NLRP4: variants seen among roughly 807,000 people sequenced by gnomAD.
The protein encoded by NLRP4 is NACHT, LRR and PYD domains-containing protein 4.
NLRP4 carries 44 observed loss-of-function variants against 84.7 expected under a neutral mutation model. The observed-to-expected ratio is 0.52, with a 90% CI of 0.41 to 0.67. NLRP4 has a LOEUF of 0.67. Ranked by LOEUF, NLRP4 falls within the 30% of genes least tolerant of loss-of-function variation. The probability of loss-of-function intolerance (pLI) is 0.00; values close to 1 mark genes in which losing one functional copy is unlikely to be tolerated. For synonymous variants in NLRP4, 544 were observed against 476.4 expected (o/e 1.14, Z -1.85); for missense variants, 1,260 against 1,219.4 (o/e 1.03, Z -0.50).
At chr19:55,877,469 C>T (rs1985417291) in intron 8 of NLRP4, among the ~76,000 whole-genome samples, 1 of 152,172 alleles carries the variant, frequency 6.6e-6, no homozygotes, top group Admixed American at 6.5e-5. Context: ...GCTGGGTTGG[C>T]TGTCCCCTTG....
At chr19:55,865,005 A>G (rs2123046853) in intron 5 of NLRP4, among the ~76,000 whole-genome samples, 1 of 152,326 alleles carries the variant, frequency 6.6e-6, no homozygotes, top group Non-Finnish European at 1.5e-5. Context: ...AAAAACTTTT[A>G]TTTTACATTC....
Position 55,852,142 on chromosome 19 carries a change from A to G in NLRP4, c.62A>G (p.Glu21Gly). Residue 21 changes from glutamate to glycine, a missense_variant, in exon 2 of 10, where the codon GAG (glutamate) becomes GGG (glycine). This residue lies in a region of NLRP4 where 712 missense variants were observed against 669.2 expected (regional missense o/e 1.06). Transcript: ENST00000301295. The part of the protein sequence containing the change: ...LMWYLEELKK[E>G]EFRKFKEHLK... ...TGGTATCTGGAGGAGCTCAAAAAGG[A>G]GGAGTTCAGGAAATTTAAAGAACAT... 6.2e-7 allele frequency: 1 copy of G among 1,607,394 alleles called. No homozygotes were observed.
rs1462313995 is a variant in NLRP4, at chr19:55,836,574, C to G, written c.-426C>G. ...GAAGGCGTGGAGCGGTGAGTCAGCG[C>G]TTCGTGCTGGGCTGTTCGTCTCTTC... is the stretch of plus-strand genomic sequence containing the variant. On this transcript the variant is annotated 5_prime_UTR_variant, in exon 1 of 10. Transcript: ENST00000301295. The G allele has an allele frequency of 6.6e-6, 1 of 152,398 alleles. No individual in the cohort carries two copies. Among genetic ancestry groups the G allele is most frequent in the Non-Finnish European group, 1.5e-5 (1 of 68,086 alleles). The allele number at this position is 152,398 out of a possible 1,614,324, so 9.4% of individuals were successfully genotyped here.
chr19:55,868,170 G>A lies in NLRP4; in HGVS notation c.2354+294G>A, dbSNP rs142239826. ...CTGTGTTTCAAAGCTGTTAGGTTGG[G>A]TTAATGCACCTGCAACACACATGGT... On this transcript the variant is annotated intron_variant, in intron 6 of 9. Coordinates refer to ENST00000301295, the MANE Select transcript of NLRP4 (RefSeq NM_134444.5). Among the ~76,000 whole-genome samples, 361 of 152,342 alleles carry A rather than the reference G, an allele frequency of 2.4e-3. 2 individuals are homozygous for A. Among genetic ancestry groups the A allele is most frequent in the African/African-American group, 8.5e-3 (354 of 41,580 alleles).
chr19:55,881,788 A>G lies in NLRP4; in HGVS notation c.*201A>G, dbSNP rs1985603182. ...TTGGATGAGTCACTGAAAGGCCTTC[A>G]TGGTCTCTCGGTCTCACAAGGACCT... On this transcript the variant is annotated 3_prime_UTR_variant, in exon 10 of 10. Transcript: ENST00000301295. The G allele has an allele frequency of 2.5e-6, 1 of 406,186 alleles. No homozygotes were observed. The highest frequency in any genetic ancestry group is 4.4e-6 in the Non-Finnish European group (1 of 228,458). 25.2% of individuals were successfully genotyped at this position (406,186 alleles called of 1,614,324 possible).
intron 6 of NLRP4, 21 bp from the exon 7 acceptor site, chr19:55,870,806 C>A (rs376696383): frequency 6.3e-6 from 10 of 1,599,018 alleles, no homozygotes; most frequent in Admixed American, 1.7e-5. Context: ...CACTCTCCTT[C>A]TCGTGTTTTT....
rs1044426550 is a variant in NLRP4, at chr19:55,881,690, T to C, written c.*103T>C. ...CAGGAGATACAAATCATTGATACTCTGAGTTGTGAGATTTCTGGCACCCCA... is the reference window on the plus strand; with the variant it reads ...CAGGAGATACAAATCATTGATACTCCGAGTTGTGAGATTTCTGGCACCCCA... On this transcript the variant is annotated 3_prime_UTR_variant, in exon 10 of 10. Coordinates refer to ENST00000301295, the MANE Select transcript of NLRP4 (RefSeq NM_134444.5). 4 of 611,422 alleles carry C rather than the reference T, an allele frequency of 6.5e-6. No individual in the cohort carries two copies. The highest frequency in any genetic ancestry group is 1.2e-5 in the Non-Finnish European group (4 of 340,634). 37.9% of individuals were successfully genotyped at this position (611,422 alleles called of 1,614,324 possible).
rs1265483812 is a variant in NLRP4 at position 55,867,824 on chromosome 19, C to A, written c.2302C>A (p.Pro768Thr). Residue 768 changes from proline (P) to threonine (T), a missense_variant, in exon 6 of 10, where the codon CCC (proline) becomes ACC (threonine). Coordinates refer to ENST00000301295, the MANE Select transcript of NLRP4 (RefSeq NM_134444.5). Reference sequence around the variant, plus strand: ...CTGCAACCAGTTAGACACAGGCGTGCCCCTTTTGTGTGAAGCCCTGTGCAG... The same window carrying A: ...CTGCAACCAGTTAGACACAGGCGTGACCCTTTTGTGTGAAGCCCTGTGCAG... Reference protein sequence around the residue: ...VSCNQLDTGVPLLCEALCSPD... With the variant: ...VSCNQLDTGVTLLCEALCSPD... 6.2e-7 allele frequency: 1 copy of A among 1,614,160 alleles called. No individual in the cohort carries two copies. The highest frequency in any genetic ancestry group is 2.2e-5 in the East Asian group (1 of 44,884).
intron 6 of NLRP4, among the ~76,000 whole-genome samples, chr19:55,869,701 G>T (rs763959657): frequency 1.6e-4 from 24 of 151,974 alleles, no homozygotes; most frequent in Non-Finnish European, 2.2e-4. Context: ...GGCCATATGT[G>T]GTTCGTTCAT....
intron 3 of NLRP4, among the ~76,000 whole-genome samples, chr19:55,861,082 A>G (rs1391768332): frequency 1.3e-5 from 2 of 152,114 alleles, no homozygotes; most frequent in Non-Finnish European, 2.9e-5. Flanking sequence ...TCTCCTGTGC[A>G]TTGTAGGATG....
chr19:55,845,715 C>A (rs1983767988), intron 1 of NLRP4, among the ~76,000 whole-genome samples: 1 of 151,404 alleles, frequency 6.6e-6, no homozygotes. Flanking sequence ...TAATGATCAC[C>A]ATTCTAACTG....
At chr19:55,879,194 G>A (rs556587301) in intron 9 of NLRP4, among the ~76,000 whole-genome samples, 13 of 152,266 alleles carry the variant, frequency 8.5e-5, no homozygotes, top group African/African-American at 2.4e-4. Context: ...CTCATTGTCT[G>A]GGGTAACACC....
rs1985455558 is a variant in NLRP4 at position 55,878,488 on chromosome 19, T to TGTC, written c.2697-306_2697-305insGTC. Reference sequence around the variant, plus strand: ...TGCTTCCATTGTTATCTGAGACGGCTTCATACCTTTTTTTGGATAATATGT... The same window carrying TGTC: ...TGCTTCCATTGTTATCTGAGACGGCTGTCTCATACCTTTTTTTGGATAATATGT... On this transcript the variant is annotated intron_variant, in intron 8 of 9. Coordinates refer to ENST00000301295, the MANE Select transcript of NLRP4 (RefSeq NM_134444.5). 2.4e-3 allele frequency among the ~76,000 whole-genome samples: 5 copies of TGTC among 2,116 alleles called. No homozygotes were observed. In the South Asian group the frequency reaches 0.039, roughly 17 times the overall value. 1.4% of individuals were successfully genotyped at this position (2,116 alleles called of 152,430 possible). A position where few individuals can be genotyped will look rare whatever the true frequency, so the allele number is the denominator to read the frequency against.
Position 55,877,079 on chromosome 19 carries a change from A to G in NLRP4, c.2609A>G (p.Gln870Arg). Residue 870 changes from glutamine to arginine, a missense_variant, in exon 8 of 10, where the codon CAA becomes CGA. Physicochemically the swap from Gln to Arg is conservative, Grantham distance 43. This residue lies in a region of NLRP4 where 544 missense variants were observed against 531.7 expected (regional missense o/e 1.02). Coordinates refer to ENST00000301295, the MANE Select transcript of NLRP4 (RefSeq NM_134444.5). ...LISNQNLKIL[Q>R]IGCNEIGDVG... ...AGCAATCAAAACCTGAAGATTCTGC[A>G]AATTGGGTGCAATGAAATCGGAGAT... 1.2e-6 allele frequency: 2 copies of G among 1,614,138 alleles called. No homozygotes were observed. The highest frequency in any genetic ancestry group is 2.2e-5 in the South Asian group (2 of 91,082).
rs755640105 is a variant in NLRP4 at position 55,861,449 on chromosome 19, CAG to C, written c.1925_1926del (p.Glu642AlafsTer18). On this transcript the variant is annotated frameshift_variant, in exon 4 of 10. Coordinates refer to ENST00000301295, the MANE Select transcript of NLRP4 (RefSeq NM_134444.5). LOFTEE classifies it high-confidence loss of function. ...CSVLTTSGHL[R>X]ELQVQDSTLS... is the part of the protein sequence containing the mutation. ...CTGTGCTCACCACCAGCGGGCACCT[CAG>C]AGAGCTCCAGGTGCAGGACAGCACC... 1.2e-6 allele frequency: 2 copies of C among 1,613,980 alleles called. No homozygotes were observed. The highest frequency in any genetic ancestry group is 1.7e-6 in the Non-Finnish European group (2 of 1,179,794).
chr19:55,849,513 T>G (rs1983932659), intron 1 of NLRP4, among the ~76,000 whole-genome samples: 1 of 152,188 alleles, frequency 6.6e-6, no homozygotes, highest in African/African-American at 2.4e-5. Context: ...GATGAAGACT[T>G]TCTGGATTGT....
chr19:55,849,904 AATTTCCGTAGCCG>A (rs1465587278), intron 1 of NLRP4, among the ~76,000 whole-genome samples: 12 of 137,786 alleles, frequency 8.7e-5, no homozygotes, highest in African/African-American at 2.6e-4. Context: ...CCGGCGGTGT[AATTTCCGTAGCCG>A]CGGTGTAATT....
chr19:55,876,293 A>G (rs1049382776), intron 7 of NLRP4, among the ~76,000 whole-genome samples: 37 of 152,184 alleles, frequency 2.4e-4, no homozygotes, highest in African/African-American at 8.7e-4. Flanking sequence ...GAGGTTGGCT[A>G]CAGATTTCCC....
chr19:55,876,906 G>T, intron 7 of NLRP4, 90 bp from the exon 8 acceptor site: 1 of 1,072,212 alleles, frequency 9.3e-7, no homozygotes, highest in Non-Finnish European at 1.4e-6. Context: ...CCACATGAAT[G>T]ACAAAGGCTG....
Sources: gnomAD v4.1 joint callset for allele counts (sites outside exome capture counted in the v4.1 genomes callset) on GRCh38, gnomAD v4.1.1 for gene constraint, gnomAD v4.1.1 regional missense constraint, MANE v1.5 for transcripts, NCBI Gene and HGNC (gene_info 2026-07-23, HGNC 2026-07-21) for gene names.